Variants in AKAP9 observed in about 807,000 individuals in gnomAD.
AKAP9 encodes the protein A-kinase anchor protein 9.
A neutral mutation model predicts 488.5 loss-of-function variants in AKAP9; 311 were observed. The ratio of observed to expected loss-of-function variants is 0.64; its 90% CI spans 0.58 to 0.70. The LOEUF (loss-of-function observed/expected upper bound fraction) is 0.70. AKAP9 is among the 30% of genes least tolerant of loss of function. AKAP9 has a pLI of 0.00. For missense variants in AKAP9, 4,215 were observed against 4,374.5 expected (o/e 0.96, Z 1.03); for synonymous variants, 1,462 against 1,483.5 (o/e 0.99, Z 0.33).
chr7:92,030,814 A>G (rs1009767529), intron 15 of AKAP9, among the ~76,000 whole-genome samples: 18 of 144,708 alleles, frequency 1.2e-4, no homozygotes, highest in African/African-American at 4.6e-4. Flanking sequence ...ACATTGTATT[A>G]TTCTAAATTT....
intron 21 of AKAP9, among the ~76,000 whole-genome samples, chr7:92,045,804 T>C (rs913609615): frequency 2.6e-5 from 4 of 151,442 alleles, no homozygotes; most frequent in African/African-American, 7.3e-5. Context: ...CCTTCAGCTG[T>C]GTGGATTCAG....
At chr7:91,973,037 C>T (rs760181385) in intron 1 of AKAP9, among the ~76,000 whole-genome samples, 17 of 152,128 alleles carry the variant, frequency 1.1e-4, no homozygotes, top group South Asian at 2.1e-4. Flanking sequence ...TCATGTAGTG[C>T]TCTGTGTGTG....
At position 92,002,209 on chromosome 7, in the gene AKAP9, T is replaced by C; in HGVS notation, c.2292T>C (p.Asn764=). 2 of 1,591,130 alleles carry C rather than the reference T, an allele frequency of 1.3e-6. No individual in the cohort carries two copies. Among genetic ancestry groups the C allele is most frequent in the South Asian group, 1.2e-5 (1 of 84,874 alleles). The change falls in exon 8 of 50, where the codon AAT becomes AAC. Residue 764 remains asparagine, a synonymous_variant. Transcript: ENST00000356239. ...AAAAACAGATGAAGGAAAAAGAGAA[T>C]GATCTTCAAGAAAAATTTGCACAAC... ...LLEKQMKEKE[N]DLQEKFAQLE...
intron 31 of AKAP9, among the ~76,000 whole-genome samples, chr7:92,080,399 C>A (rs1229705478): frequency 6.6e-6 from 1 of 152,042 alleles, no homozygotes; most frequent in East Asian, 1.9e-4. Flanking sequence ...GAGATCGAGA[C>A]CATCCTGTCT....
intron 22 of AKAP9, among the ~76,000 whole-genome samples, chr7:92,059,483 T>C (rs955301659): frequency 6.6e-6 from 1 of 151,866 alleles, no homozygotes; most frequent in Non-Finnish European, 1.5e-5. Flanking sequence ...TCTTGTGGTT[T>C]TATGATAAAT....
chr7:92,100,241 T>A lies in AKAP9; in HGVS notation c.10896+372T>A, dbSNP rs147352527. On this transcript the variant is annotated intron_variant, in intron 44 of 49. Transcript: ENST00000356239. ...ACACGAGATGTTCAAATGTGAATCC[T>A]GACTGTTCTCTTCATTTAATTATTA... is the stretch of plus-strand genomic sequence containing the variant. Among the ~76,000 whole-genome samples the A allele has an allele frequency of 1.1e-3, 162 of 152,352 alleles. 1 individual carries two copies. Among genetic ancestry groups the A allele is most frequent in the African/African-American group, 3.7e-3 (152 of 41,588 alleles).
At chr7:92,057,472 G>A (rs1208128114) in intron 22 of AKAP9, among the ~76,000 whole-genome samples, 1 of 151,918 alleles carries the variant, frequency 6.6e-6, no homozygotes, top group African/African-American at 2.4e-5. Context: ...CTTTTTTGTG[G>A]GCATATTAAT....
chr7:92,060,562 T>C (rs1809594634), intron 22 of AKAP9, among the ~76,000 whole-genome samples: 1 of 152,178 alleles, frequency 6.6e-6, no homozygotes, highest in Non-Finnish European at 1.5e-5. Context: ...TTCTATCATC[T>C]TAAAAAATTG....
intron 24 of AKAP9, 136 bp downstream of exon 24, chr7:92,062,622 A>G (rs1383260524): frequency 1.3e-6 from 1 of 760,636 alleles, no homozygotes; most frequent in Non-Finnish European, 2.1e-6. Context: ...TTATAAGAAA[A>G]TCTACCTTAG....
intron 1 of AKAP9, among the ~76,000 whole-genome samples, chr7:91,954,543 T>C (rs879421413): frequency 2.2e-4 from 33 of 152,138 alleles, no homozygotes; most frequent in Non-Finnish European, 4.4e-4. Context: ...GCTGGGGTTA[T>C]GGGCGCAAGC....
Position 92,016,367 on chromosome 7 carries a change from T to C in AKAP9, c.3751+100T>C, listed in dbSNP as rs1277620690. 3 of 859,448 alleles carry C rather than the reference T, an allele frequency of 3.5e-6. No individual in the cohort carries two copies. In the East Asian group the frequency reaches 8.1e-5, roughly 23 times the overall value. The allele number at this position is 859,448 out of a possible 1,614,324, so 53.2% of individuals were successfully genotyped here. On this transcript the variant is annotated intron_variant, in intron 11 of 49. Coordinates refer to ENST00000356239, the MANE Select transcript of AKAP9 (RefSeq NM_005751.5). ...ATTATGATTTAATCACCCAGCCAAG[T>C]TGTTTTTCATCTTAACATTTTATCC...
At chr7:92,058,501 C>T in intron 22 of AKAP9, 2 of 375,056 alleles carry the variant, frequency 5.3e-6, no homozygotes, top group South Asian at 2.3e-5. Flanking sequence ...TGGGATAGAA[C>T]CTTGTTTGAT....
rs371461215 is a variant in AKAP9, at chr7:91,992,294, A to G, written c.405+83A>G. 4.4e-4 allele frequency: 428 copies of G among 974,108 alleles called. 5 individuals carry two copies. In the South Asian group the frequency reaches 5.4e-3, roughly 12 times the overall value. The allele number at this position is 974,108 out of a possible 1,614,324, so 60.3% of individuals were successfully genotyped here. Reference sequence around the variant, plus strand: ...GCTTACTAACAAAACTTTTTCCTGCATGTACTTCTTTCTGTGTGTGATTTC... The same window carrying G: ...GCTTACTAACAAAACTTTTTCCTGCGTGTACTTCTTTCTGTGTGTGATTTC... On this transcript the variant is annotated intron_variant, in intron 4 of 49. Coordinates refer to ENST00000356239, the MANE Select transcript of AKAP9 (RefSeq NM_005751.5).
At chr7:92,084,728 G>A (rs1341774091) in intron 34 of AKAP9, 25 bp downstream of exon 34, 1 of 1,606,894 alleles carries the variant, frequency 6.2e-7, no homozygotes, top group African/African-American at 1.3e-5. Context: ...TATTTGTAAT[G>A]TTTGTAGTAG....
At position 92,085,566 on chromosome 7, in the gene AKAP9, A is replaced by G. The variant is rs1814394468; in HGVS notation, c.8904A>G (p.Gly2968=). 1 of 1,614,014 alleles carries G rather than the reference A, an allele frequency of 6.2e-7. No individual in the cohort carries two copies. The highest frequency in any genetic ancestry group is 8.5e-7 in the Non-Finnish European group (1 of 1,179,956). Residue 2968 remains glycine (G), a synonymous_variant, in exon 36 of 50, where the codon GGA becomes GGG. Transcript: ENST00000356239. Reference sequence around the variant, plus strand: ...TCACTGAGTCTCCCTATAGTGATGGAGAGGACCATTCTATTCAGCAGGTTT... The same window carrying G: ...TCACTGAGTCTCCCTATAGTGATGGGGAGGACCATTCTATTCAGCAGGTTT... ...LSLTESPYSD[G]EDHSIQQVSE...
intron 3 of AKAP9, among the ~76,000 whole-genome samples, chr7:91,988,987 A>G (rs1422267669): frequency 6.6e-6 from 1 of 152,178 alleles, no homozygotes; most frequent in Admixed American, 6.5e-5. Context: ...TGCATACCTC[A>G]CAAAGTAGTT....
chr7:92,031,628 G>C, intron 16 of AKAP9, 24 bp downstream of exon 16: 2 of 1,518,852 alleles, frequency 1.3e-6, no homozygotes, highest in Non-Finnish European at 1.8e-6. Context: ...TTATCTGGAA[G>C]ATTATCTTGG....
At chr7:92,062,176 G>T in intron 23 of AKAP9, 98 bp from the exon 24 acceptor site, 1 of 1,099,652 alleles carries the variant, frequency 9.1e-7, no homozygotes, top group Admixed American at 2.0e-5. Flanking sequence ...ATGATGGAAA[G>T]TTTTGCTAAC....
intron 16 of AKAP9, among the ~76,000 whole-genome samples, chr7:92,037,602 T>A (rs1342509733): frequency 6.6e-6 from 1 of 152,132 alleles, no homozygotes; most frequent in African/African-American, 2.4e-5. Flanking sequence ...TCAGAATTCC[T>A]AAGTACCTGT....
Sources: gnomAD v4.1 joint callset for allele counts (sites outside exome capture counted in the v4.1 genomes callset) on GRCh38, gnomAD v4.1.1 for gene constraint, MANE v1.5 for transcripts, NCBI Gene and HGNC (gene_info 2026-07-23, HGNC 2026-07-21) for gene names.